Variants in UBE3B observed in about 807,000 individuals in gnomAD.
UBE3B encodes ubiquitin protein ligase E3B.
A neutral mutation model predicts 132.3 loss-of-function variants in UBE3B; 80 were observed. The ratio of observed to expected loss-of-function variants is 0.60; its 90% CI spans 0.50 to 0.73. The LOEUF (loss-of-function observed/expected upper bound fraction) is 0.73, where lower values mean the gene tolerates loss of function less well. Among genes scored for constraint, UBE3B ranks in the 30% least tolerant of loss-of-function variants. The probability of loss-of-function intolerance (pLI) is 0.00; values close to 1 mark genes in which losing one functional copy is unlikely to be tolerated. For missense variants in UBE3B, 1,196 were observed against 1,362.5 expected (o/e 0.88, Z 1.92); for synonymous variants, 487 against 520.4 (o/e 0.94, Z 0.87).
chr12:109,524,988 G>T (rs779011155), intron 23 of UBE3B, among the ~76,000 whole-genome samples: 17 of 151,934 alleles, frequency 1.1e-4, no homozygotes, highest in Non-Finnish European at 2.2e-4. Flanking sequence ...AGCAGCCTCC[G>T]CGCCCTTTGA....
chr12:109,525,322 C>G (rs1358031216), intron 23 of UBE3B, among the ~76,000 whole-genome samples: 1 of 152,210 alleles, frequency 6.6e-6, no homozygotes, highest in South Asian at 2.1e-4. Context: ...TCTCAAGCTT[C>G]CCTACATCCT....
downstream of UBE3B, chr12:109,536,709 C>A (rs1431977120): frequency 6.6e-6 from 1 of 152,178 alleles, no homozygotes; most frequent in Non-Finnish European, 1.5e-5. Flanking sequence ...CATATGATGG[C>A]TGCGTTCTGC....
chr12:109,497,557 A>C (rs1364826094), intron 9 of UBE3B, among the ~76,000 whole-genome samples: 1 of 151,980 alleles, frequency 6.6e-6, no homozygotes, highest in Non-Finnish European at 1.5e-5. Context: ...CCTTTTTTTA[A>C]AGTTCATTGT....
intron 2 of UBE3B, among the ~76,000 whole-genome samples, chr12:109,481,949 G>C (rs1875528737): frequency 6.6e-6 from 1 of 152,126 alleles, no homozygotes; most frequent in South Asian, 2.1e-4. Flanking sequence ...TTGTTTCAAG[G>C]ATTACTGATG....
rs1875722310 is a variant in UBE3B, at chr12:109,482,873, A to G, written c.-21-658A>G. ...CCTTGGCAGGATGGTAATTGTAAGG[A>G]CAATGGAATAAGCTATACATAAAAC... On this transcript the variant is annotated intron_variant, in intron 2 of 27. Coordinates refer to ENST00000342494, the MANE Select transcript of UBE3B (RefSeq NM_130466.4). Among the ~76,000 whole-genome samples the G allele has an allele frequency of 2.0e-5, 3 of 152,258 alleles. No individual in the cohort carries two copies. In the South Asian group the frequency reaches 6.2e-4, roughly 32 times the overall value.
In UBE3B at chr12:109,530,171, G is replaced by T. The variant is rs922279591; in HGVS notation, c.2810+99G>T. On this transcript the variant is annotated intron_variant, in intron 25 of 27. Coordinates refer to ENST00000342494, the MANE Select transcript of UBE3B (RefSeq NM_130466.4). Reference sequence around the variant, plus strand: ...TTTTAGAGAGTTGTTTTAGGAGCCTGTCTCCAGATCTCCTTCTCCTCCCTG... The same window carrying T: ...TTTTAGAGAGTTGTTTTAGGAGCCTTTCTCCAGATCTCCTTCTCCTCCCTG... 3 of 1,392,612 alleles carry T rather than the reference G, an allele frequency of 2.2e-6. No individual in the cohort carries two copies. In the East Asian group the frequency reaches 6.9e-5, roughly 32 times the overall value. The allele number at this position is 1,392,612 out of a possible 1,614,324, so 86.3% of individuals were successfully genotyped here.
At chr12:109,533,896 G>A in intron 27 of UBE3B, 1 of 1,328,686 alleles carries the variant, frequency 7.5e-7, no homozygotes, top group Non-Finnish European at 9.9e-7. Flanking sequence ...GTGAGAGAGT[G>A]GGCTCAGGAG....
chr12:109,510,887 T>C (rs1880286970), intron 17 of UBE3B, among the ~76,000 whole-genome samples: 1 of 152,188 alleles, frequency 6.6e-6, no homozygotes, highest in Non-Finnish European at 1.5e-5. Flanking sequence ...TCTGCATTTT[T>C]ATCAATGAGT....
chr12:109,492,481 C>T (rs1475571502), intron 9 of UBE3B: 2 of 152,268 alleles, frequency 1.3e-5, no homozygotes, highest in Non-Finnish European at 1.5e-5. Context: ...GCGGCCCATG[C>T]CTGTAATCCC....
Position 109,509,848 on chromosome 12 carries a change from G to C in UBE3B, c.1741+134G>C, listed in dbSNP as rs1457860108. ...AAGGTGCACATTTATTCCCACAATT[G>C]GAAATTTTCTTTCTTCACTCTCTGT... On this transcript the variant is annotated intron_variant, in intron 16 of 27. Coordinates refer to ENST00000342494, the MANE Select transcript of UBE3B (RefSeq NM_130466.4). 8.2e-6 allele frequency: 5 copies of C among 611,778 alleles called. No individual in the cohort carries two copies. The East Asian group carries it at 1.4e-4, about 17-fold the overall frequency. 37.9% of individuals were successfully genotyped at this position (611,778 alleles called of 1,614,324 possible).
At chr12:109,498,423 C>T (rs1592910509) in intron 11 of UBE3B, 70 bp downstream of exon 11, 1 of 1,549,690 alleles carries the variant, frequency 6.5e-7, no homozygotes, top group Admixed American at 1.9e-5. Flanking sequence ...TTGCCTGTCA[C>T]TATTCTAGAG....
At chr12:109,543,833 T>TA in the UBE3B span, among the ~76,000 whole-genome samples, 43 of 139,264 alleles carry the variant, frequency 3.1e-4, no homozygotes, top group Non-Finnish European at 3.9e-4. Context: ...GATTGTCTAA[T>TA]AAAAAAAAAA....
In UBE3B at chr12:109,488,767, C is replaced by T. The variant is rs1312648619; in HGVS notation, c.544+99C>T. On this transcript the variant is annotated intron_variant, in intron 7 of 27. Transcript: ENST00000342494. ...TAAGAAGCATTTTTGCCACAAGCCTCAGGGAAGGCCCTGAGACCATACAAA... is the reference window on the plus strand; with the variant it reads ...TAAGAAGCATTTTTGCCACAAGCCTTAGGGAAGGCCCTGAGACCATACAAA... 2.7e-6 allele frequency: 3 copies of T among 1,098,458 alleles called. No individual in the cohort carries two copies. In the South Asian group the frequency reaches 3.9e-5, roughly 14 times the overall value. The allele number at this position is 1,098,458 out of a possible 1,614,324, so 68.0% of individuals were successfully genotyped here. A position where few individuals can be genotyped will look rare whatever the true frequency, so the allele number is the denominator to read the frequency against.
At position 109,507,625 on chromosome 12, in the gene UBE3B, C is replaced by A; in HGVS notation, c.1512C>A (p.Pro504=). Residue 504 remains proline, a synonymous_variant, in exon 15 of 28, where the codon CCC becomes CCA. Transcript: ENST00000342494. Reference sequence around the variant, plus strand: ...GGGCATTTATCTGTGAGCTCGGGCCCCACGGAGGGTTAAAGCTCTTCTTGG... The same window carrying A: ...GGGCATTTATCTGTGAGCTCGGGCCACACGGAGGGTTAAAGCTCTTCTTGG... ...KLWAFICELG[P]HGGLKLFLEC... is the part of the protein sequence containing the mutation. The A allele has an allele frequency of 6.2e-7, 1 of 1,614,152 alleles. No individual in the cohort carries two copies. The highest frequency in any genetic ancestry group is 1.7e-5 in the Admixed American group (1 of 60,018).
At chr12:109,487,290 G>A (rs531961066) in intron 6 of UBE3B, among the ~76,000 whole-genome samples, 50 of 152,280 alleles carry the variant, frequency 3.3e-4, no homozygotes, top group African/African-American at 1.2e-3. Context: ...GTTCTGAAAA[G>A]GATGGACAGG....
In UBE3B at chr12:109,521,181, C is replaced by G; in HGVS notation, c.2110C>G (p.His704Asp). 1.2e-6 allele frequency: 2 copies of G among 1,614,208 alleles called. No homozygotes were observed. Among genetic ancestry groups the G allele is most frequent in the Non-Finnish European group, 1.7e-6 (2 of 1,180,034 alleles). Residue 704 changes from histidine (H) to aspartate (D), a missense_variant, in exon 20 of 28, where the codon CAC (histidine) becomes GAC (aspartate). Physicochemically the swap from His to Asp is moderately conservative, Grantham distance 81. Coordinates refer to ENST00000342494, the MANE Select transcript of UBE3B (RefSeq NM_130466.4). This position sits in a 1 kb window ranked among gnomAD's most constrained non-coding sequence, Gnocchi z 4.2. ...CGAGCAGCTTAGGCAGCTCTCCCAG[C>G]ACGCCATGAAGGGGGTCATCCGTGT... ...GYEQLRQLSQ[H>D]AMKGVIRVKF...
At chr12:109,523,098 G>A (rs1008448383) in intron 21 of UBE3B, among the ~76,000 whole-genome samples, 2 of 152,152 alleles carry the variant, frequency 1.3e-5, no homozygotes, top group Non-Finnish European at 2.9e-5. Context: ...GGACCTGCTA[G>A]GCCCTGCATG....
intron 14 of UBE3B, among the ~76,000 whole-genome samples, chr12:109,505,378 T>G (rs1264342514): frequency 6.6e-6 from 1 of 152,234 alleles, no homozygotes; most frequent in Non-Finnish European, 1.5e-5. Context: ...TATGCAGCCC[T>G]TGTTGAATCA....
intron 7 of UBE3B, 82 bp from the exon 8 acceptor site, chr12:109,489,837 G>T: frequency 7.6e-7 from 1 of 1,315,492 alleles, no homozygotes; most frequent in Non-Finnish European, 1.1e-6. Flanking sequence ...GGCCTCGGAT[G>T]TGGGACACAA....
Sources: gnomAD v4.1 joint callset for allele counts (sites outside exome capture counted in the v4.1 genomes callset) on GRCh38, gnomAD v4.1.1 for gene constraint, Gnocchi (gnomAD v3.1) non-coding constraint, MANE v1.5 for transcripts, NCBI Gene and HGNC (gene_info 2026-07-23, HGNC 2026-07-21) for gene names.